The following CCSER1 variants were observed in gnomAD, a reference collection of about 807,000 sequenced individuals.
CCSER1 encodes the protein coiled-coil serine rich protein 1.
Under a neutral mutation model 82.0 loss-of-function variants are expected in CCSER1, and 41 were observed. The observed-to-expected ratio is 0.50, with a 90% CI of 0.39 to 0.65. CCSER1 has a LOEUF of 0.65. Ranked by LOEUF, CCSER1 falls within the 30% of genes least tolerant of loss-of-function variation. The probability of loss-of-function intolerance (pLI) is 0.00; values close to 1 mark genes in which losing one functional copy is unlikely to be tolerated. For missense variants in CCSER1, 1,119 were observed against 1,064.2 expected (o/e 1.05, Z -0.72); for synonymous variants, 414 against 383.9 (o/e 1.08, Z -0.92).
At position 91,496,575 on chromosome 4, in the gene CCSER1, T is replaced by TATATATATATACACGAATATATATTTGA. The variant is rs1313796423; in HGVS notation, c.2218-101957_2218-101930dup. 2.8e-5 allele frequency among the ~76,000 whole-genome samples: 2 copies of TATATATATATACACGAATATATATTTGA among 71,916 alleles called. 1 individual carries two copies. Among genetic ancestry groups the TATATATATATACACGAATATATATTTGA allele is most frequent in the African/African-American group, 8.5e-5 (2 of 23,442 alleles). 47.2% of individuals were successfully genotyped at this position (71,916 alleles called of 152,430 possible). The stretch of plus-strand genomic sequence containing the variant: ...TTGGCATAAATCTTGTATATATATA[T>TATATATATATACACGAATATATATTTGA]ATATATATATACACGAATATATATT... On this transcript the variant is annotated intron_variant, in intron 10 of 10. Coordinates refer to ENST00000509176, the MANE Select transcript of CCSER1 (RefSeq NM_001145065.2).
At chr4:91,319,370 G>C (rs1448207035) in intron 10 of CCSER1, among the ~76,000 whole-genome samples, 1 of 151,928 alleles carries the variant, frequency 6.6e-6, no homozygotes, top group African/African-American at 2.4e-5. Flanking sequence ...CTTTATGAAA[G>C]GAAATCTTTG....
chr4:91,246,372 C>T (rs888175144), intron 10 of CCSER1, among the ~76,000 whole-genome samples: 1 of 151,912 alleles, frequency 6.6e-6, no homozygotes, highest in Non-Finnish European at 1.5e-5. Flanking sequence ...ACAACAGATA[C>T]ACAAAAAATT....
intron 3 of CCSER1, among the ~76,000 whole-genome samples, chr4:90,318,627 GAACTGCAGA>G: frequency 6.6e-6 from 1 of 152,228 alleles, no homozygotes. Flanking sequence ...TTGGTATGTT[GAACTGCAGA>G]ATTTACTTAT....
intron 1 of CCSER1, among the ~76,000 whole-genome samples, chr4:90,229,995 G>C (rs2153426846): frequency 6.6e-6 from 1 of 152,230 alleles, no homozygotes; most frequent in East Asian, 1.9e-4. Flanking sequence ...CCTACAAAGA[G>C]ACTTAGACTC....
chr4:90,839,292 A>AT (rs1436062050), intron 8 of CCSER1, among the ~76,000 whole-genome samples: 1 of 152,234 alleles, frequency 6.6e-6, no homozygotes, highest in African/African-American at 2.4e-5. Flanking sequence ...ACACACTTAG[A>AT]TAAGTTTATC....
At chr4:90,816,507 A>C (rs1361163556) in intron 8 of CCSER1, among the ~76,000 whole-genome samples, 1 of 152,100 alleles carries the variant, frequency 6.6e-6, no homozygotes, top group African/African-American at 2.4e-5. Context: ...TGTATCTATG[A>C]ATATTAACAG....
intron 9 of CCSER1, among the ~76,000 whole-genome samples, chr4:90,994,631 G>A (rs746209094): frequency 2.6e-5 from 4 of 152,014 alleles, no homozygotes; most frequent in Non-Finnish European, 5.9e-5. Flanking sequence ...ATGTAGTAAA[G>A]CAATTTATCT....
At chr4:91,474,049 G>C (rs1444165092) in intron 10 of CCSER1, among the ~76,000 whole-genome samples, 1 of 151,982 alleles carries the variant, frequency 6.6e-6, no homozygotes, top group Non-Finnish European at 1.5e-5. Context: ...TAGATTTTCA[G>C]AGTCATGAGT....
chr4:91,161,094 G>A lies in CCSER1; in HGVS notation c.2217+75100G>A, dbSNP rs570447707. Among the ~76,000 whole-genome samples the A allele has an allele frequency of 6.6e-5, 10 of 152,226 alleles. No homozygotes were observed. The East Asian group carries it at 1.9e-3, about 29-fold the overall frequency. On this transcript the variant is annotated intron_variant, in intron 10 of 10. Coordinates refer to ENST00000509176, the MANE Select transcript of CCSER1 (RefSeq NM_001145065.2). ...TAATTTTAGTATAAGGTGTAAGGAAGGGATCCAGTTTCAGCTTTCCACATA... is the reference window on the plus strand; with the variant it reads ...TAATTTTAGTATAAGGTGTAAGGAAAGGATCCAGTTTCAGCTTTCCACATA...
chr4:90,241,726 A>ATAAATTGT (rs1208922990), intron 1 of CCSER1, among the ~76,000 whole-genome samples: 3 of 152,224 alleles, frequency 2.0e-5, no homozygotes, highest in Non-Finnish European at 4.4e-5. Flanking sequence ...AATCCAACAG[A>ATAAATTGT]TAAATTGTTA....
At chr4:90,781,372 T>C in intron 7 of CCSER1, 4 of 985,454 alleles carry the variant, frequency 4.1e-6, no homozygotes, top group Non-Finnish European at 4.8e-6. Context: ...TGTGGAATCC[T>C]GGTTACTGGG....
intron 8 of CCSER1, among the ~76,000 whole-genome samples, chr4:90,870,655 A>G (rs544154468): frequency 6.6e-6 from 1 of 151,264 alleles, no homozygotes; most frequent in African/African-American, 2.4e-5. Context: ...TTCTTTTTTG[A>G]TGTGTCTTTG....
intron 10 of CCSER1, among the ~76,000 whole-genome samples, chr4:91,163,384 G>A (rs990414974): frequency 6.6e-6 from 1 of 151,986 alleles, no homozygotes; most frequent in African/African-American, 2.4e-5. Context: ...GTGTGATGTG[G>A]TGCTGACAAG....
At chr4:90,276,235 TTTC>T (rs1727603695) in intron 1 of CCSER1, among the ~76,000 whole-genome samples, 8 of 109,058 alleles carry the variant, frequency 7.3e-5, no homozygotes, top group Non-Finnish European at 1.1e-4. Flanking sequence ...TCTTTCTTTC[TTTC>T]TTTCTTTCTT....
intron 4 of CCSER1, among the ~76,000 whole-genome samples, chr4:90,413,959 A>G (rs1755340704): frequency 1.9e-5 from 2 of 105,286 alleles, no homozygotes; most frequent in African/African-American, 5.1e-5. Flanking sequence ...AAAAAAAAAA[A>G]AAAAAAAAAA....
chr4:91,171,878 ATTG>A (rs1400941423), intron 10 of CCSER1, among the ~76,000 whole-genome samples: 1 of 152,038 alleles, frequency 6.6e-6, no homozygotes, highest in East Asian at 1.9e-4. Context: ...GCATGCTAAT[ATTG>A]TTTTTTATTA....
chr4:90,741,509 A>T (rs966987979), intron 7 of CCSER1, among the ~76,000 whole-genome samples: 13 of 152,208 alleles, frequency 8.5e-5, no homozygotes, highest in Admixed American at 2.6e-4. Flanking sequence ...TGATATATAC[A>T]TCAGATACTG....
At chr4:91,498,197 A>G (rs1274081290) in intron 10 of CCSER1, among the ~76,000 whole-genome samples, 1 of 152,044 alleles carries the variant, frequency 6.6e-6, no homozygotes, top group Non-Finnish European at 1.5e-5. Flanking sequence ...TCTGCTGCAA[A>G]ATAAAGGTTG....
chr4:90,346,237 A>G (rs1742308413), intron 3 of CCSER1, among the ~76,000 whole-genome samples: 1 of 152,086 alleles, frequency 6.6e-6, no homozygotes, highest in South Asian at 2.1e-4. Context: ...TTTCTTGCAT[A>G]AATATAAATA....
Sources: gnomAD v4.1 joint callset for allele counts (sites outside exome capture counted in the v4.1 genomes callset) on GRCh38, gnomAD v4.1.1 for gene constraint, MANE v1.5 for transcripts, NCBI Gene and HGNC (gene_info 2026-07-23, HGNC 2026-07-21) for gene names.